Variants in KIT observed in about 807,000 individuals in gnomAD.
The protein encoded by KIT is KIT proto-oncogene, receptor tyrosine kinase.
A neutral mutation model predicts 105.7 loss-of-function variants in KIT; 16 were observed. That is an observed-to-expected ratio of 0.15 (90% CI 0.10 to 0.23). KIT has a LOEUF of 0.23. Ranked by LOEUF, KIT falls within the 10% of genes least tolerant of loss-of-function variation. The pLI, the probability that KIT is intolerant of heterozygous loss-of-function variation, is 1.00. For missense variants in KIT, 858 were observed against 1,213.8 expected (o/e 0.71, Z 4.36); for synonymous variants, 438 against 441.1 (o/e 0.99, Z 0.09).
chr4:54,732,045 AT>A (rs71662297), intron 16 of KIT, 47 bp downstream of exon 16: 207,224 of 867,164 alleles, frequency 0.24, 1,095 homozygotes, highest in South Asian at 0.25. Flanking sequence ...TGTTTTTTTG[AT>A]TTTTTTTTTT....
intron 1 of KIT, among the ~76,000 whole-genome samples, chr4:54,685,348 CA>C (rs1018501166): frequency 6.6e-6 from 1 of 152,190 alleles, no homozygotes; most frequent in African/African-American, 2.4e-5. Flanking sequence ...TTTACCCCTC[CA>C]ATCTATTGGC....
At chr4:54,704,328 T>C (rs930384853) in intron 5 of KIT, among the ~76,000 whole-genome samples, 6 of 152,220 alleles carry the variant, frequency 3.9e-5, no homozygotes, top group African/African-American at 1.4e-4. Flanking sequence ...ACTCATCAGA[T>C]CTAGTTCCTT....
intron 1 of KIT, among the ~76,000 whole-genome samples, chr4:54,690,266 C>G (rs775841612): frequency 6.6e-6 from 1 of 152,146 alleles, no homozygotes; most frequent in Non-Finnish European, 1.5e-5. Context: ...TTTTATACTG[C>G]TAGTGATGAG....
In KIT at chr4:54,675,332, C is replaced by T. The variant is rs149401539; in HGVS notation, c.67+17251C>T. ...AGAGTAAGATTGTTTTTAGACATTTCCTCTTGTTTTCCACAAAAAGATTGA... is the reference window on the plus strand; with the variant it reads ...AGAGTAAGATTGTTTTTAGACATTTTCTCTTGTTTTCCACAAAAAGATTGA... On this transcript the variant is annotated intron_variant, in intron 1 of 20. Coordinates refer to ENST00000288135, the MANE Select transcript of KIT (RefSeq NM_000222.3). 1.5e-3 allele frequency among the ~76,000 whole-genome samples: 225 copies of T among 152,306 alleles called. 1 individual carries two copies. The highest frequency in any genetic ancestry group is 2.3e-3 in the Non-Finnish European group (155 of 68,020).
At chr4:54,727,350 A>G (rs1722292588) in intron 10 of KIT, 26 bp downstream of exon 10, 2 of 1,613,292 alleles carry the variant, frequency 1.2e-6, no homozygotes, top group East Asian at 2.2e-5. Flanking sequence ...TTCTCTCTCC[A>G]GAGTGCTCTA....
intron 5 of KIT, 54 bp from the exon 6 acceptor site, chr4:54,707,044 T>C: frequency 9.9e-7 from 1 of 1,005,246 alleles, no homozygotes; most frequent in Non-Finnish European, 1.5e-6. Context: ...TTCTGTTTTT[T>C]TGTCCAGTAG....
At position 54,661,603 on chromosome 4, in the gene KIT, A is replaced by T. The variant is rs557112137; in HGVS notation, c.67+3522A>T. On this transcript the variant is annotated intron_variant, in intron 1 of 20. Transcript: ENST00000288135. ...GAGTTGGCAGGCTAGGATGTGGGAA[A>T]TGCTTTCTTTTGCTGCATTAATGTG... Among the ~76,000 whole-genome samples the T allele has an allele frequency of 1.4e-4, 21 of 152,226 alleles. 1 individual carries two copies. Among genetic ancestry groups the T allele is most frequent in the Non-Finnish European group, 2.6e-4 (18 of 68,034 alleles).
At chr4:54,706,047 A>G (rs1185107216) in intron 5 of KIT, among the ~76,000 whole-genome samples, 2 of 152,098 alleles carry the variant, frequency 1.3e-5, no homozygotes, top group African/African-American at 2.4e-5. Flanking sequence ...TTATATTATT[A>G]TATCACCTTT....
At chr4:54,730,007 G>A (rs1222458595) in intron 14 of KIT, among the ~76,000 whole-genome samples, 1 of 152,102 alleles carries the variant, frequency 6.6e-6, no homozygotes. Flanking sequence ...ATTTCATCAT[G>A]CTATTAAAAG....
rs891405198 is a variant in KIT at position 54,727,559 on chromosome 4, G to A, written c.1774+17G>A. 1.1e-5 allele frequency: 17 copies of A among 1,613,896 alleles called. No homozygotes were observed. Among genetic ancestry groups the A allele is most frequent in the East Asian group, 4.5e-5 (2 of 44,858 alleles). Reference sequence around the variant, plus strand: ...TGAGTTTTGGTCAGTATGAAACAGGGGCTTTCCATGTCACCTTTTTGGGTA... The same window carrying A: ...TGAGTTTTGGTCAGTATGAAACAGGAGCTTTCCATGTCACCTTTTTGGGTA... On this transcript the variant is annotated intron_variant, in intron 11 of 20. Coordinates refer to ENST00000288135, the MANE Select transcript of KIT (RefSeq NM_000222.3).
At chr4:54,733,240 T>C (rs1199287094) in intron 17 of KIT, 48 bp downstream of exon 17, 3 of 1,595,672 alleles carry the variant, frequency 1.9e-6, no homozygotes, top group Admixed American at 3.3e-5. Flanking sequence ...ATTTTTAGTT[T>C]CAACTTTCGA....
intron 1 of KIT, among the ~76,000 whole-genome samples, chr4:54,674,951 TAA>T (rs1718360637): frequency 6.6e-6 from 1 of 152,374 alleles, no homozygotes; most frequent in African/African-American, 2.4e-5. Context: ...CATTTATACT[TAA>T]TATCATCTAA....
Position 54,731,373 on chromosome 4 carries a change from T to C in KIT, c.2187T>C (p.Ser729=). Residue 729 remains serine (S), a synonymous_variant, in exon 15 of 21, where the codon TCT becomes TCC. Transcript: ENST00000288135. The stretch of plus-strand genomic sequence containing the variant: ...ACATGGACATGAAACCTGGAGTTTC[T>C]TATGTTGTCCCAACCAAGGCCGACA... ...NEYMDMKPGV[S]YVVPTKADKR... 6.2e-7 allele frequency: 1 copy of C among 1,613,574 alleles called. No individual in the cohort carries two copies. Among genetic ancestry groups the C allele is most frequent in the Middle Eastern group, 1.7e-4 (1 of 6,060 alleles).
chr4:54,682,265 T>G (rs1330301046), intron 1 of KIT, among the ~76,000 whole-genome samples: 1 of 151,764 alleles, frequency 6.6e-6, no homozygotes, highest in Non-Finnish European at 1.5e-5. Flanking sequence ...AATTTTTGTA[T>G]TTTTTGCAGA....
chr4:54,701,252 C>T (rs1394850655), intron 4 of KIT, among the ~76,000 whole-genome samples: 2 of 152,174 alleles, frequency 1.3e-5, no homozygotes, highest in African/African-American at 2.4e-5. Flanking sequence ...AACCAAATCA[C>T]GTGCAAACAA....
At chr4:54,679,235 G>A (rs1318240083) in intron 1 of KIT, among the ~76,000 whole-genome samples, 1 of 152,142 alleles carries the variant, frequency 6.6e-6, no homozygotes, top group South Asian at 2.1e-4. Flanking sequence ...GTAACACAAA[G>A]GCAAGTGAAA....
At chr4:54,698,872 T>C (rs889840237) in intron 3 of KIT, among the ~76,000 whole-genome samples, 3 of 152,278 alleles carry the variant, frequency 2.0e-5, no homozygotes, top group East Asian at 3.9e-4. Context: ...GGGAAACCCA[T>C]TGGGTAGCTT....
At chr4:54,686,235 A>G (rs1041373240) in intron 1 of KIT, among the ~76,000 whole-genome samples, 3 of 152,190 alleles carry the variant, frequency 2.0e-5, no homozygotes, top group Non-Finnish European at 2.9e-5. Flanking sequence ...AAAAAACTAA[A>G]TATGCTGTAA....
Position 54,699,765 on chromosome 4 carries a change from A to T in KIT, c.755A>T (p.Gln252Leu). 1 of 1,613,724 alleles carries T rather than the reference A, an allele frequency of 6.2e-7. No homozygotes were observed. Among genetic ancestry groups the T allele is most frequent in the Admixed American group, 1.7e-5 (1 of 60,016 alleles). ...TCAACGTGGAAAAGAGAAAACAGTC[A>T]GGTGAGTGAATCGCTTCATTCTTCT... ...VYSTWKRENSQTKLQEKYNSW... is the reference protein window; with the variant it reads ...VYSTWKRENSLTKLQEKYNSW... The change falls in exon 4 of 21, where the codon CAG (glutamine) becomes CTG (leucine). Residue 252 changes from glutamine to leucine, a missense_variant and splice_region_variant. By Grantham distance (113) the Gln-to-Leu change is moderately radical. Around this residue, in one of 7 missense-constraint regions of KIT, gnomAD observed 401 missense variants for 601.0 expected, o/e 0.67. Transcript: ENST00000288135.
Sources: gnomAD v4.1 joint callset for allele counts (sites outside exome capture counted in the v4.1 genomes callset) on GRCh38, gnomAD v4.1.1 for gene constraint, gnomAD v4.1.1 regional missense constraint, MANE v1.5 for transcripts, NCBI Gene and HGNC (gene_info 2026-07-23, HGNC 2026-07-21) for gene names.